CNTNAP2: variants seen among roughly 807,000 people sequenced by gnomAD.
CNTNAP2 encodes contactin-associated protein-like 2.
Under a neutral mutation model 155.2 loss-of-function variants are expected in CNTNAP2, and 98 were observed. That is an observed-to-expected ratio of 0.63 (90% CI 0.54 to 0.75). The LOEUF is 0.75. Among genes scored for constraint, CNTNAP2 ranks in the 30% least tolerant of loss-of-function variants. The pLI, the probability that CNTNAP2 is intolerant of heterozygous loss-of-function variation, is 0.00. For synonymous variants in CNTNAP2, 651 were observed against 631.2 expected, an observed-to-expected ratio of 1.03 and a Z score of -0.47; for missense variants, 1,727 against 1,688.1, an observed-to-expected ratio of 1.02 and a Z score of -0.40.
At chr7:146,929,327 A>G (rs1326217738) in intron 3 of CNTNAP2, among the ~76,000 whole-genome samples, 1 of 152,200 alleles carries the variant, frequency 6.6e-6, no homozygotes, top group Non-Finnish European at 1.5e-5. Context: ...CCAGGCAAAC[A>G]GGGTCTGGAG....
chr7:147,767,107 A>C (rs996352340), intron 13 of CNTNAP2, among the ~76,000 whole-genome samples: 6 of 152,108 alleles, frequency 3.9e-5, no homozygotes, highest in African/African-American at 1.4e-4. Context: ...TCATTACTAC[A>C]TTTTAAAACA....
chr7:147,926,291 G>C (rs932863955), intron 14 of CNTNAP2, among the ~76,000 whole-genome samples: 2 of 152,138 alleles, frequency 1.3e-5, no homozygotes, highest in African/African-American at 4.8e-5. Flanking sequence ...AGCCTCCAGT[G>C]CTTCATGAAA....
At chr7:148,279,909 A>G (rs6960510) in intron 21 of CNTNAP2, among the ~76,000 whole-genome samples, 9,035 of 152,260 alleles carry the variant, frequency 0.059, 418 homozygotes, top group African/African-American at 0.13. Context: ...TTTATGCAAC[A>G]TTTTTGAAAT....
At chr7:147,271,859 G>T (rs547940067) in intron 8 of CNTNAP2, among the ~76,000 whole-genome samples, 3 of 152,076 alleles carry the variant, frequency 2.0e-5, no homozygotes, top group Non-Finnish European at 4.4e-5. Context: ...ATATCACTCT[G>T]CTTCTTCAAA....
intron 8 of CNTNAP2, among the ~76,000 whole-genome samples, chr7:147,151,090 C>T (rs964070708): frequency 2.0e-5 from 3 of 152,056 alleles, no homozygotes; most frequent in African/African-American, 7.2e-5. Context: ...AAAGAGAAGG[C>T]CAAAGCTTAA....
intron 2 of CNTNAP2, among the ~76,000 whole-genome samples, chr7:146,783,284 T>C (rs1802521048): frequency 6.6e-6 from 1 of 152,204 alleles, no homozygotes; most frequent in Non-Finnish European, 1.5e-5. Flanking sequence ...CACCTTTGTT[T>C]TCCTTAGCCC....
intron 13 of CNTNAP2, among the ~76,000 whole-genome samples, chr7:147,796,059 TC>T (rs1797888207): frequency 6.6e-6 from 1 of 152,104 alleles, no homozygotes; most frequent in African/African-American, 2.4e-5. Context: ...CCACAGATTA[TC>T]CCCTTATGTG....
intron 3 of CNTNAP2, among the ~76,000 whole-genome samples, chr7:146,951,304 T>G (rs1244134312): frequency 6.6e-6 from 1 of 152,232 alleles, no homozygotes; most frequent in African/African-American, 2.4e-5. Context: ...TTTAATTAGA[T>G]CCCATTTGTC....
intron 1 of CNTNAP2, among the ~76,000 whole-genome samples, chr7:146,524,152 C>G (rs1797654948): frequency 1.3e-5 from 2 of 152,102 alleles, no homozygotes; most frequent in African/African-American, 4.8e-5. Flanking sequence ...GAAACATAGA[C>G]TCACTATGTC....
chr7:146,885,930 T>G (rs1316926270), intron 3 of CNTNAP2, among the ~76,000 whole-genome samples: 2 of 10,952 alleles, frequency 1.8e-4, no homozygotes, highest in African/African-American at 1.7e-3. Context: ...TGTAAGTCGG[T>G]GTGTGTGTGT....
intron 2 of CNTNAP2, among the ~76,000 whole-genome samples, chr7:146,794,927 A>G (rs1802742328): frequency 6.6e-6 from 1 of 152,228 alleles, no homozygotes; most frequent in South Asian, 2.1e-4. Flanking sequence ...TGCCTTAAAC[A>G]TTCATCAAGT....
At chr7:147,661,824 T>A (rs1795615405) in intron 13 of CNTNAP2, among the ~76,000 whole-genome samples, 1 of 152,178 alleles carries the variant, frequency 6.6e-6, no homozygotes, top group African/African-American at 2.4e-5. Context: ...GTGCTGGGAT[T>A]ATAGGCGTGA....
intron 1 of CNTNAP2, among the ~76,000 whole-genome samples, chr7:146,440,335 G>C (rs997308007): frequency 6.6e-6 from 1 of 151,526 alleles, no homozygotes; most frequent in Non-Finnish European, 1.5e-5. Context: ...ACTCAATTAA[G>C]TGTATGAAAA....
intron 15 of CNTNAP2, among the ~76,000 whole-genome samples, chr7:148,015,938 C>T (rs1056933974): frequency 1.3e-5 from 2 of 152,156 alleles, no homozygotes; most frequent in African/African-American, 4.8e-5. Flanking sequence ...TCACCAACTC[C>T]CTTTATCCAA....
At chr7:147,075,138 T>C (rs1184830167) in intron 4 of CNTNAP2, among the ~76,000 whole-genome samples, 1 of 152,208 alleles carries the variant, frequency 6.6e-6, no homozygotes, top group African/African-American at 2.4e-5. Context: ...AGTGAAAAGA[T>C]TGATACATGG....
rs144326729 is a variant in CNTNAP2 at position 146,139,961 on chromosome 7, A to G, written c.97+22988A>G. Reference sequence around the variant, plus strand: ...TAACATGTAATTCATAAGCAGTTTTAGGTATCTAGCATTTCCATTAGCTCC... The same window carrying G: ...TAACATGTAATTCATAAGCAGTTTTGGGTATCTAGCATTTCCATTAGCTCC... On this transcript the variant is annotated intron_variant, in intron 1 of 23. Transcript: ENST00000361727. 9.2e-5 allele frequency among the ~76,000 whole-genome samples: 14 copies of G among 152,274 alleles called. No individual in the cohort carries two copies. In the South Asian group the frequency reaches 1.7e-3, roughly 18 times the overall value.
At chr7:148,092,258 A>G (rs890945840) in intron 15 of CNTNAP2, among the ~76,000 whole-genome samples, 20 of 152,140 alleles carry the variant, frequency 1.3e-4, no homozygotes, top group African/African-American at 4.6e-4. Flanking sequence ...ATTGTGTTTG[A>G]TGGGAGGGGA....
intron 3 of CNTNAP2, among the ~76,000 whole-genome samples, chr7:146,854,785 C>T (rs1002063936): frequency 2.0e-5 from 3 of 152,104 alleles, no homozygotes; most frequent in Non-Finnish European, 4.4e-5. Flanking sequence ...AAACAGGCAT[C>T]ATTGTGTGCA....
At chr7:147,729,235 A>T (rs982339284) in intron 13 of CNTNAP2, among the ~76,000 whole-genome samples, 10 of 151,612 alleles carry the variant, frequency 6.6e-5, no homozygotes, top group African/African-American at 2.4e-4. Context: ...TGCACCCGGG[A>T]GGAAGAATGC....
Sources: allele counts gnomAD v4.1 joint callset (sites outside exome capture counted in the v4.1 genomes callset), GRCh38; gene constraint gnomAD v4.1.1; transcripts MANE v1.5; gene names NCBI Gene and HGNC (gene_info 2026-07-23, HGNC 2026-07-21).